Variants in UNC80 observed in about 807,000 individuals in gnomAD.
The protein encoded by UNC80 is unc-80 subunit of NALCN channel complex, also known as protein unc-80 homolog.
UNC80 carries 164 observed loss-of-function variants against 384.6 expected under a neutral mutation model. The observed-to-expected ratio is 0.43, with a 90% CI of 0.38 to 0.49. The LOEUF (loss-of-function observed/expected upper bound fraction) is 0.49, where lower values mean the gene tolerates loss of function less well. Ranked by LOEUF, UNC80 falls within the 20% of genes least tolerant of loss-of-function variation. UNC80 has a pLI of 0.00. For synonymous variants in UNC80, 1,486 were observed against 1,527.8 expected (o/e 0.97, Z 0.64); for missense variants, 3,330 against 4,143.0 (o/e 0.80, Z 5.39).
intron 24 of UNC80, 78 bp from the exon 25 acceptor site, chr2:209,880,883 A>G: frequency 7.3e-7 from 1 of 1,363,168 alleles, no homozygotes; most frequent in Non-Finnish European, 1.0e-6. Context: ...ATACATGTGT[A>G]GCTATGTCCA....
At chr2:209,777,190 C>G (rs995678062) in intron 3 of UNC80, 68 bp from the exon 4 acceptor site, 40 of 1,456,400 alleles carry the variant, frequency 2.7e-5, no homozygotes, top group Non-Finnish European at 3.4e-5. Flanking sequence ...TTCCCAGACC[C>G]ATTGTTGACA....
chr2:209,959,848 A>T, intron 51 of UNC80, 141 bp downstream of exon 51: 2 of 745,460 alleles, frequency 2.7e-6, no homozygotes, highest in Non-Finnish European at 4.3e-6. Flanking sequence ...TTAGGTACAC[A>T]TCATACAGAA....
At chr2:209,812,500 C>G (rs926698552) in intron 7 of UNC80, among the ~76,000 whole-genome samples, 6 of 152,182 alleles carry the variant, frequency 3.9e-5, no homozygotes, top group Non-Finnish European at 8.8e-5. Context: ...TACTCACTCT[C>G]TGTGGCTGCG....
intron 8 of UNC80, among the ~76,000 whole-genome samples, chr2:209,814,317 G>A (rs1313447049): frequency 6.6e-6 from 1 of 151,726 alleles, no homozygotes; most frequent in Non-Finnish European, 1.5e-5. Context: ...CTCACTGCAA[G>A]CTCCGCCTAC....
At chr2:209,829,089 A>G (rs2080763512) in intron 14 of UNC80, 143 bp from the exon 15 acceptor site, 1 of 865,946 alleles carries the variant, frequency 1.2e-6, no homozygotes, top group African/African-American at 1.7e-5. Flanking sequence ...TACTCAGACA[A>G]GAGGGGCTAG....
chr2:209,855,348 T>C (rs577624052), intron 22 of UNC80, among the ~76,000 whole-genome samples: 1 of 152,212 alleles, frequency 6.6e-6, no homozygotes, highest in East Asian at 1.9e-4. Context: ...AAATAGCTAA[T>C]GCATGCTGGA....
chr2:209,970,906 A>G lies in UNC80; in HGVS notation c.8205A>G (p.Pro2735=), dbSNP rs752241389. ...PLLHLSPYLS[P]PLPFSTAVVR... is the part of the protein sequence containing the mutation. ...TTCATCTCAGCCCTTATCTCTCACC[A>G]CCTCTGCCCTTCAGCACAGCTGTTG... The change falls in exon 54 of 65, where the codon CCA becomes CCG. Residue 2735 remains proline (P), a synonymous_variant. Coordinates refer to ENST00000673920, the MANE Select transcript of UNC80 (RefSeq NM_001371986.1). 7 of 1,551,440 alleles carry G rather than the reference A, an allele frequency of 4.5e-6. No homozygotes were observed. The African/African-American group carries it at 9.6e-5, about 21-fold the overall frequency.
intron 22 of UNC80, among the ~76,000 whole-genome samples, chr2:209,852,800 CTT>C (rs2082625295): frequency 6.6e-6 from 1 of 152,042 alleles, no homozygotes; most frequent in South Asian, 2.1e-4. Flanking sequence ...CTTTTGTTTC[CTT>C]TGTATTTGGT....
intron 7 of UNC80, among the ~76,000 whole-genome samples, chr2:209,801,877 TA>T (rs993594914): frequency 6.6e-6 from 1 of 152,194 alleles, no homozygotes; most frequent in African/African-American, 2.4e-5. Context: ...TCTTGCGCTT[TA>T]AAAAAATAAT....
At chr2:209,922,627 A>C (rs934019442) in intron 35 of UNC80, among the ~76,000 whole-genome samples, 1 of 152,206 alleles carries the variant, frequency 6.6e-6, no homozygotes, top group Non-Finnish European at 1.5e-5. Context: ...CTGAGGGTTC[A>C]GAATACATCA....
rs980749501 is a variant in UNC80, at chr2:209,998,612, ACT to A, written c.*3020_*3021del. On this transcript the variant is annotated 3_prime_UTR_variant, in exon 65 of 65. Coordinates refer to ENST00000673920, the MANE Select transcript of UNC80 (RefSeq NM_001371986.1). ...CTTTAGTCAACAAAGAACTTTCTCC[ACT>A]CTGCTGCCCAGCTCTGAGAGTATCT... The A allele has an allele frequency of 6.6e-6, 1 of 152,070 alleles. No individual in the cohort carries two copies. Among genetic ancestry groups the A allele is most frequent in the African/African-American group, 2.4e-5 (1 of 41,376 alleles). The allele number at this position is 152,070 out of a possible 1,614,324, so 9.4% of individuals were successfully genotyped here.
Position 209,967,524 on chromosome 2 carries a change from G to A in UNC80, c.7893G>A (p.Met2631Ile), listed in dbSNP as rs2125009009. The change falls in exon 52 of 65, where the codon ATG becomes ATA. Residue 2631 changes from methionine to isoleucine, a missense_variant. Transcript: ENST00000673920. ...GTCGTGGGCTTCGGCGCTACATCATGGAGATGCTACCCATTACTGACTGGA... is the reference window on the plus strand; with the variant it reads ...GTCGTGGGCTTCGGCGCTACATCATAGAGATGCTACCCATTACTGACTGGA... Reference protein sequence around the residue: ...MESRGLRRYIMEMLPITDWTA... With the variant: ...MESRGLRRYIIEMLPITDWTA... 6.4e-7 allele frequency: 1 copy of A among 1,551,586 alleles called. No homozygotes were observed. Among genetic ancestry groups the A allele is most frequent in the African/African-American group, 1.4e-5 (1 of 73,104 alleles).
At chr2:209,899,515 C>T (rs2087155815) in intron 28 of UNC80, among the ~76,000 whole-genome samples, 1 of 152,202 alleles carries the variant, frequency 6.6e-6, no homozygotes, top group South Asian at 2.1e-4. Flanking sequence ...CACCGGGGCT[C>T]TAGTTGATGT....
In UNC80 at chr2:209,994,711, T is replaced by C. The variant is rs1471970131; in HGVS notation, c.9708+447T>C. ...TTAAGGATGCTCAACCAGGTAAGTA[T>C]ATAATGCAAATATTCCAAAATCAGA... is the stretch of plus-strand genomic sequence containing the variant. On this transcript the variant is annotated intron_variant, in intron 64 of 64. Coordinates refer to ENST00000673920, the MANE Select transcript of UNC80 (RefSeq NM_001371986.1). Among the ~76,000 whole-genome samples, 4 of 152,158 alleles carry C rather than the reference T, an allele frequency of 2.6e-5. 1 individual carries two copies. The highest frequency in any genetic ancestry group is 2.6e-4 in the Admixed American group (4 of 15,288).
At chr2:209,911,569 G>T (rs1412753720) in intron 29 of UNC80, among the ~76,000 whole-genome samples, 1 of 152,162 alleles carries the variant, frequency 6.6e-6, no homozygotes, top group African/African-American at 2.4e-5. Context: ...TGCACTTTTA[G>T]ATTTGCCTTT....
intron 61 of UNC80, among the ~76,000 whole-genome samples, chr2:209,986,085 G>T (rs1213646543): frequency 2.6e-5 from 4 of 152,206 alleles, no homozygotes; most frequent in Non-Finnish European, 5.9e-5. Context: ...AGGAGCTTTG[G>T]GGGCAAGGAG....
intron 7 of UNC80, chr2:209,809,652 A>G (rs2079189523): frequency 1.7e-6 from 1 of 602,936 alleles, no homozygotes; most frequent in East Asian, 2.8e-5. Flanking sequence ...CCCAAGCTCC[A>G]GAAGGAAGGA....
rs1350785950 is a variant in UNC80 at position 209,866,488 on chromosome 2, CCCCACA to C, written c.3628-6268_3628-6263del. ...AAACATTCCATAATACAAAATGCAC[CCCCACA>C]CACACACACACACACACACACACAC... On this transcript the variant is annotated intron_variant, in intron 22 of 64. Coordinates refer to ENST00000673920, the MANE Select transcript of UNC80 (RefSeq NM_001371986.1). Among the ~76,000 whole-genome samples the C allele has an allele frequency of 3.7e-5, 4 of 106,742 alleles. No individual in the cohort carries two copies. In the East Asian group the frequency reaches 7.8e-4, roughly 21 times the overall value. The allele number at this position is 106,742 out of a possible 152,430, so 70.0% of individuals were successfully genotyped here. A position where few individuals can be genotyped will look rare whatever the true frequency, so the allele number is the denominator to read the frequency against.
In UNC80 at chr2:209,825,911, A is replaced by C. The variant is rs1277176687; in HGVS notation, c.2336A>C (p.Glu779Ala). The C allele has an allele frequency of 1.1e-5, 17 of 1,537,164 alleles. No individual in the cohort carries two copies. Among genetic ancestry groups the C allele is most frequent in the Non-Finnish European group, 1.4e-5 (16 of 1,141,862 alleles). ...EKNDKNQEKD[E>A]STPVSNHRLA... is the part of the protein sequence containing the mutation. ...TTTCTCATTCGTGGGTACCAGGATGAAAGTACACCTGTAAGCAACCATAGG... is the reference window on the plus strand; with the variant it reads ...TTTCTCATTCGTGGGTACCAGGATGCAAGTACACCTGTAAGCAACCATAGG... Residue 779 changes from glutamate to alanine, a missense_variant, in exon 14 of 65, where the codon GAA (glutamate) becomes GCA (alanine). Glu to Ala is a moderately radical substitution (Grantham distance 107). Around this residue, in one of 8 missense-constraint regions of UNC80, gnomAD observed 937 missense variants for 1,026.8 expected, o/e 0.91. Transcript: ENST00000673920.
Sources: gnomAD v4.1 joint callset for allele counts (sites outside exome capture counted in the v4.1 genomes callset) on GRCh38, gnomAD v4.1.1 for gene constraint, gnomAD v4.1.1 regional missense constraint, MANE v1.5 for transcripts, NCBI Gene and HGNC (gene_info 2026-07-23, HGNC 2026-07-21) for gene names.